The following SMOC2 variants were observed in gnomAD, a reference collection of about 807,000 sequenced individuals.
SMOC2 encodes SPARC-related modular calcium-binding protein 2.
Under a neutral mutation model 61.4 loss-of-function variants are expected in SMOC2, and 39 were observed. The ratio of observed to expected loss-of-function variants is 0.64; its 90% confidence interval spans 0.49 to 0.83. The LOEUF is 0.83. SMOC2 is among the 40% of genes least tolerant of loss of function. SMOC2 has a pLI of 0.00. For missense variants in SMOC2, 556 were observed against 592.9 expected (o/e 0.94, Z 0.65); for synonymous variants, 247 against 239.9 (o/e 1.03, Z -0.27).
intron 9 of SMOC2, among the ~76,000 whole-genome samples, chr6:168,626,243 G>C (rs112170480): frequency 3.9e-5 from 6 of 152,170 alleles, no homozygotes; most frequent in Non-Finnish European, 4.4e-5. Flanking sequence ...TCAAGTCCGC[G>C]CCCCCGTTTC....
intron 2 of SMOC2, among the ~76,000 whole-genome samples, 164 bp from the exon 3 acceptor site, chr6:168,526,182 G>A (rs1229615315): frequency 6.6e-6 from 1 of 152,206 alleles, no homozygotes; most frequent in Non-Finnish European, 1.5e-5. Context: ...CCCTTCTTCT[G>A]AGGCTCCCTT....
At chr6:168,622,187 C>T (rs1562388334) in intron 9 of SMOC2, among the ~76,000 whole-genome samples, 3 of 152,052 alleles carry the variant, frequency 2.0e-5, no homozygotes, top group Non-Finnish European at 2.9e-5. Flanking sequence ...AGGATGGTCT[C>T]GATCTCCTGA....
Position 168,452,970 on chromosome 6 carries a change from C to T in SMOC2, c.84+11516C>T, listed in dbSNP as rs1327760101. On this transcript the variant is annotated intron_variant, in intron 1 of 12. Coordinates refer to ENST00000356284, the MANE Select transcript of SMOC2 (RefSeq NM_001166412.2). This position sits in a 1 kb window ranked among gnomAD's most constrained non-coding sequence, Gnocchi z 5.0. ...CCCCTTCTCCCAGTGGCTCTGACAG[C>T]AGGGGCAGGACGCCCTCCTCCCAGT... Among the ~76,000 whole-genome samples the T allele has an allele frequency of 6.6e-6, 1 of 152,110 alleles. No individual in the cohort carries two copies. The highest frequency in any genetic ancestry group is 1.5e-5 in the Non-Finnish European group (1 of 68,038).
At chr6:168,547,475 A>G (rs992591782) in intron 6 of SMOC2, among the ~76,000 whole-genome samples, 1 of 152,100 alleles carries the variant, frequency 6.6e-6, no homozygotes, top group African/African-American at 2.4e-5. Context: ...GTTACGTGGG[A>G]TGGACAAGTC....
At chr6:168,517,930 G>T (rs866080965) in intron 2 of SMOC2, among the ~76,000 whole-genome samples, 1 of 152,254 alleles carries the variant, frequency 6.6e-6, no homozygotes, top group Non-Finnish European at 1.5e-5. Context: ...CGGAGCGCGA[G>T]CCTGGGCCGG....
chr6:168,542,464 G>C (rs1187275420), intron 4 of SMOC2, among the ~76,000 whole-genome samples: 1 of 152,198 alleles, frequency 6.6e-6, no homozygotes, highest in East Asian at 1.9e-4. Context: ...ATATTATTTA[G>C]TTATTTTTAG....
chr6:168,655,399 G>A (rs967130202), intron 11 of SMOC2: 1 of 456,562 alleles, frequency 2.2e-6, no homozygotes, highest in African/African-American at 2.0e-5. Context: ...GTGACAGGAA[G>A]TAAGAGAAAC....
rs1783943842 is a variant in SMOC2, at chr6:168,544,325, C to T, written c.511+653C>T. Among the ~76,000 whole-genome samples the T allele has an allele frequency of 6.6e-6, 1 of 152,126 alleles. No individual in the cohort carries two copies. The highest frequency in any genetic ancestry group is 1.5e-5 in the Non-Finnish European group (1 of 68,032). ...AGCCTTTAAAGTCAGACGTTGTTTTCAAGATGAGAAGAAATACTTTAGTAC... is the reference window on the plus strand; with the variant it reads ...AGCCTTTAAAGTCAGACGTTGTTTTTAAGATGAGAAGAAATACTTTAGTAC... On this transcript the variant is annotated intron_variant, in intron 5 of 12. Coordinates refer to ENST00000356284, the MANE Select transcript of SMOC2 (RefSeq NM_001166412.2). The surrounding 1 kb of genome is among the most constrained non-coding windows in gnomAD (Gnocchi z 4.1).
At chr6:168,638,310 C>T (rs556472640) in intron 9 of SMOC2, among the ~76,000 whole-genome samples, 1 of 152,192 alleles carries the variant, frequency 6.6e-6, no homozygotes, top group Non-Finnish European at 1.5e-5. Context: ...CACTAAGAAC[C>T]TACTTCACAC....
intron 9 of SMOC2, among the ~76,000 whole-genome samples, chr6:168,648,023 T>C (rs1425903011): frequency 1.3e-5 from 2 of 152,162 alleles, no homozygotes; most frequent in Non-Finnish European, 2.9e-5. Flanking sequence ...ATTTGAAATA[T>C]TGTGTTGCTT....
intron 9 of SMOC2, among the ~76,000 whole-genome samples, chr6:168,628,445 G>A (rs1786475487): frequency 6.6e-6 from 1 of 152,256 alleles, no homozygotes; most frequent in East Asian, 1.9e-4. Context: ...TTACAGTGAT[G>A]GTTTGTGACA....
chr6:168,564,862 T>C (rs10945517), intron 7 of SMOC2, among the ~76,000 whole-genome samples: 78,223 of 152,052 alleles, frequency 0.51, 22,025 homozygotes, highest in African/African-American at 0.76. Flanking sequence ...TGATGCATTC[T>C]GCTGACATAA....
chr6:168,546,994 G>T, intron 5 of SMOC2, 125 bp from the exon 6 acceptor site: 3 of 1,116,158 alleles, frequency 2.7e-6, no homozygotes, highest in Non-Finnish European at 2.7e-6. Context: ...GTCTGTGTGG[G>T]GTTGCTGTTG....
chr6:168,613,882 AG>A (rs34270659), intron 9 of SMOC2, among the ~76,000 whole-genome samples: 2 of 97,068 alleles, frequency 2.1e-5, no homozygotes, highest in Admixed American at 9.5e-5. Flanking sequence ...CAGCCAGCAC[AG>A]GACCTCTTCA....
intron 9 of SMOC2, among the ~76,000 whole-genome samples, chr6:168,637,486 C>T (rs1319114730): frequency 6.6e-6 from 1 of 152,194 alleles, no homozygotes; most frequent in East Asian, 1.9e-4. Flanking sequence ...CGTCTTCTTA[C>T]CCAATTCTAT....
chr6:168,558,056 T>C (rs973511663), intron 7 of SMOC2, among the ~76,000 whole-genome samples: 1 of 152,194 alleles, frequency 6.6e-6, no homozygotes, highest in African/African-American at 2.4e-5. Context: ...CACCTGTGAA[T>C]GCTCCCTCTC....
At chr6:168,643,564 C>T (rs186236360) in intron 9 of SMOC2, among the ~76,000 whole-genome samples, 9 of 152,304 alleles carry the variant, frequency 5.9e-5, no homozygotes, top group Admixed American at 2.6e-4. Flanking sequence ...CAGAGGTGAA[C>T]GTGACACCAG....
At chr6:168,573,750 C>A (rs1784729527) in intron 7 of SMOC2, among the ~76,000 whole-genome samples, 2 of 152,202 alleles carry the variant, frequency 1.3e-5, no homozygotes, top group Non-Finnish European at 2.9e-5. Flanking sequence ...ACCCTGCAGG[C>A]TCATCTCACC....
intron 7 of SMOC2, among the ~76,000 whole-genome samples, chr6:168,565,369 C>T (rs1479772772): frequency 6.6e-6 from 1 of 152,158 alleles, no homozygotes; most frequent in Non-Finnish European, 1.5e-5. Context: ...GACTGGCCTC[C>T]ATGTGGTCTT....
Sources: gnomAD v4.1 joint callset for allele counts (sites outside exome capture counted in the v4.1 genomes callset) on GRCh38, gnomAD v4.1.1 for gene constraint, Gnocchi (gnomAD v3.1) non-coding constraint, MANE v1.5 for transcripts, NCBI Gene and HGNC (gene_info 2026-07-23, HGNC 2026-07-21) for gene names.